The following RHPN2 variants were observed in gnomAD, a reference collection of about 807,000 sequenced individuals.
The protein encoded by RHPN2 is rhophilin-2.
Under a neutral mutation model 79.0 loss-of-function variants are expected in RHPN2, and 40 were observed. The observed-to-expected ratio is 0.51, with a 90% CI of 0.39 to 0.66. The LOEUF (loss-of-function observed/expected upper bound fraction) is 0.66. RHPN2 is among the 30% of genes least tolerant of loss of function. RHPN2 has a pLI of 0.00. For synonymous variants in RHPN2, 285 were observed against 363.5 expected (o/e 0.78, Z 2.46); for missense variants, 686 against 883.5 (o/e 0.78, Z 2.83).
At chr19:33,004,255 G>A (rs1181210295) in intron 7 of RHPN2, among the ~76,000 whole-genome samples, 1 of 152,020 alleles carries the variant, frequency 6.6e-6, no homozygotes, top group African/African-American at 2.4e-5. Context: ...TGCTCAGACT[G>A]GTCTCCACTC....
rs150703957 is a variant in RHPN2 at position 33,021,582 on chromosome 19, C to T, written c.379G>A (p.Val127Ile). ...GCTTTGAGATTTACCTTGAGGACGA[C>T]TGCAAAGTCGACGTCTTTCGTTTCC... ...LKETKDVDFA[V>I]VLKDFILEHY... The change falls in exon 4 of 15, where the codon GTC becomes ATC. Residue 127 changes from valine (V) to isoleucine (I), a missense_variant. Transcript: ENST00000254260. 15 of 1,613,654 alleles carry T rather than the reference C, an allele frequency of 9.3e-6. No individual in the cohort carries two copies. In the African/African-American group the frequency reaches 2.0e-4, roughly 22 times the overall value.
intron 14 of RHPN2, among the ~76,000 whole-genome samples, chr19:32,984,487 C>T (rs1186581980): frequency 1.3e-5 from 2 of 152,186 alleles, no homozygotes; most frequent in South Asian, 2.1e-4. Context: ...GGTGAAACCC[C>T]ATCTCTACTA....
At position 33,049,182 on chromosome 19, in the gene RHPN2, T is replaced by C. The variant is rs377547298; in HGVS notation, c.70-4818A>G. ...AACACAAGAAACACCCACGGGGCTG[T>C]GTGTGGAAACTTCCCTGAGAGGTAA... On this transcript the variant is annotated intron_variant, in intron 1 of 14. Transcript: ENST00000254260. 3.3e-5 allele frequency among the ~76,000 whole-genome samples: 5 copies of C among 152,120 alleles called. No individual in the cohort carries two copies. In the East Asian group the frequency reaches 9.6e-4, roughly 29 times the overall value.
intron 2 of RHPN2, among the ~76,000 whole-genome samples, chr19:33,036,712 T>C (rs1390278292): frequency 1.3e-5 from 2 of 152,176 alleles, no homozygotes; most frequent in East Asian, 3.9e-4. Context: ...GGGCGTGGGC[T>C]GGACGGGCCC....
rs573060204 is a variant in RHPN2 at position 33,016,906 on chromosome 19, A to T, written c.391-4182T>A. On this transcript the variant is annotated intron_variant, in intron 4 of 14. Coordinates refer to ENST00000254260, the MANE Select transcript of RHPN2 (RefSeq NM_033103.5). ...ATTTTCATATGACTGACATTTGTAGAGTCTCTTTTAGGCTAAAATGACATG... is the reference window on the plus strand; with the variant it reads ...ATTTTCATATGACTGACATTTGTAGTGTCTCTTTTAGGCTAAAATGACATG... Among the ~76,000 whole-genome samples, 37 of 152,348 alleles carry T rather than the reference A, an allele frequency of 2.4e-4. No individual in the cohort carries two copies. The South Asian group carries it at 6.8e-3, about 28-fold the overall frequency.
At chr19:33,003,150 G>T in intron 7 of RHPN2, 150 bp from the exon 8 acceptor site, 1 of 726,418 alleles carries the variant, frequency 1.4e-6, no homozygotes, top group Non-Finnish European at 2.4e-6. Flanking sequence ...CTTGTATCAG[G>T]AATTCAAGAC....
chr19:33,008,794 G>T (rs974706457), intron 6 of RHPN2, among the ~76,000 whole-genome samples: 3 of 152,116 alleles, frequency 2.0e-5, no homozygotes, highest in Non-Finnish European at 2.9e-5. Context: ...AGTCAAGAAT[G>T]CATGTGCACT....
At chr19:33,054,197 G>GTT (rs34820019) in intron 1 of RHPN2, among the ~76,000 whole-genome samples, 34 of 112,210 alleles carry the variant, frequency 3.0e-4, no homozygotes, top group African/African-American at 6.0e-4. Flanking sequence ...TTTCTTCTTT[G>GTT]TTTTTTTTTT....
At chr19:32,984,421 G>T (rs1971599482) in intron 14 of RHPN2, among the ~76,000 whole-genome samples, 1 of 152,170 alleles carries the variant, frequency 6.6e-6, no homozygotes, top group Non-Finnish European at 1.5e-5. Flanking sequence ...ACTTTTGGGA[G>T]GCCAAGGCGG....
chr19:33,061,276 A>T (rs1446261015), intron 1 of RHPN2, among the ~76,000 whole-genome samples: 3 of 138,192 alleles, frequency 2.2e-5, no homozygotes, highest in Non-Finnish European at 3.0e-5. Context: ...TCACCCAGGC[A>T]GTGGCGCAAT....
chr19:33,052,509 T>A (rs80120967), intron 1 of RHPN2, among the ~76,000 whole-genome samples: 5,041 of 152,296 alleles, frequency 0.033, 110 homozygotes, highest in Non-Finnish European at 0.052. Flanking sequence ...CCTTTCTCAC[T>A]CCTTCCTGGT....
Position 32,979,776 on chromosome 19 carries a change from C to G in RHPN2, c.*220G>C. ...AATACTTTATATAATAAATAACTTA[C>G]AGCAGTATAGTAACACACCTCAAAA... On this transcript the variant is annotated 3_prime_UTR_variant, in exon 15 of 15. Coordinates refer to ENST00000254260, the MANE Select transcript of RHPN2 (RefSeq NM_033103.5). 1.7e-6 allele frequency: 1 copy of G among 573,310 alleles called. No individual in the cohort carries two copies. The highest frequency in any genetic ancestry group is 1.9e-5 in the African/African-American group (1 of 53,530). The allele number at this position is 573,310 out of a possible 1,614,324, so 35.5% of individuals were successfully genotyped here.
intron 14 of RHPN2, 34 bp from the exon 15 acceptor site, chr19:32,980,290 GCAT>G (rs771861624): frequency 1.5e-5 from 24 of 1,613,518 alleles, no homozygotes; most frequent in Middle Eastern, 1.6e-4. Flanking sequence ...AGGGCGTCAG[GCAT>G]CATCAAGATA....
chr19:33,020,494 AT>A (rs35117323), intron 4 of RHPN2, among the ~76,000 whole-genome samples: 31,912 of 131,154 alleles, frequency 0.24, 3,595 homozygotes, highest in East Asian at 0.47. Flanking sequence ...TGCCCAGCTA[AT>A]TTTTTTTTTT....
intron 6 of RHPN2, among the ~76,000 whole-genome samples, chr19:33,009,961 T>C (rs1274478035): frequency 6.6e-6 from 1 of 151,804 alleles, no homozygotes; most frequent in Non-Finnish European, 1.5e-5. Flanking sequence ...GTATTTTTAG[T>C]AGAGACAGGG....
At chr19:33,061,177 T>C (rs1972276470) in intron 1 of RHPN2, among the ~76,000 whole-genome samples, 2 of 151,298 alleles carry the variant, frequency 1.3e-5, no homozygotes, top group Admixed American at 6.6e-5. Flanking sequence ...CTGTTCCCTC[T>C]TCCTGAAGGG....
Position 32,990,636 on chromosome 19 carries a change from A to C in RHPN2, c.1678T>G (p.Ser560Ala). Residue 560 changes from serine to alanine, a missense_variant, in exon 14 of 15, where the codon TCC becomes GCC. Transcript: ENST00000254260. ...AGAREGDYIVSIQLVDCKWLT... is the reference protein window; with the variant it reads ...AGAREGDYIVAIQLVDCKWLT... ...CACTTACAATCCACAAGCTGAATGG[A>C]GACAATATAATCTCCTTCCCGGGCT... is the stretch of plus-strand genomic sequence containing the variant. 1 of 1,613,960 alleles carries C rather than the reference A, an allele frequency of 6.2e-7. No individual in the cohort carries two copies. Among genetic ancestry groups the C allele is most frequent in the Non-Finnish European group, 8.5e-7 (1 of 1,179,862 alleles).
chr19:32,991,994 G>A, intron 12 of RHPN2, 25 bp from the exon 13 acceptor site: 2 of 1,613,752 alleles, frequency 1.2e-6, no homozygotes, highest in Non-Finnish European at 1.7e-6. Flanking sequence ...ATCGTTAGGT[G>A]TAGGATTTGA....
chr19:33,048,064 A>G (rs1972156226), intron 1 of RHPN2, among the ~76,000 whole-genome samples: 2 of 152,010 alleles, frequency 1.3e-5, no homozygotes, highest in African/African-American at 4.8e-5. Flanking sequence ...TTCAAATTGC[A>G]CAGATATTCG....
Sources: allele counts gnomAD v4.1 joint callset (sites outside exome capture counted in the v4.1 genomes callset), GRCh38; gene constraint gnomAD v4.1.1; transcripts MANE v1.5; gene names NCBI Gene and HGNC (gene_info 2026-07-23, HGNC 2026-07-21).